The following NLRP1 variants were observed in gnomAD, a reference collection of about 807,000 sequenced individuals.
NLRP1 encodes the protein NACHT, LRR and PYD domains-containing protein 1.
In NLRP1, 94 loss-of-function variants were observed where a neutral mutation model predicts 136.7. The observed-to-expected ratio is 0.69, with a 90% CI of 0.58 to 0.82. The LOEUF is 0.82. Ranked by LOEUF, NLRP1 falls within the 40% of genes least tolerant of loss-of-function variation. The pLI, the probability that NLRP1 is intolerant of heterozygous loss-of-function variation, is 0.00. For synonymous variants in NLRP1, 690 were observed against 725.1 expected (o/e 0.95, Z 0.78); for missense variants, 1,575 against 1,802.7 (o/e 0.87, Z 2.29).
intron 8 of NLRP1, among the ~76,000 whole-genome samples, chr17:5,535,076 T>C (rs78654168): frequency 0.057 from 8,618 of 152,048 alleles, 293 homozygotes; most frequent in Middle Eastern, 0.092. Context: ...AAAAATTAGC[T>C]GGGTGTGGTG....
chr17:5,520,788 G>A (rs1322575284), intron 14 of NLRP1, 93 bp downstream of exon 14: 3 of 1,176,472 alleles, frequency 2.6e-6, no homozygotes, highest in African/African-American at 1.5e-5. Flanking sequence ...GATTTATCCT[G>A]TCCCTGAGAA....
At chr17:5,546,472 T>C (rs1912671195) in intron 5 of NLRP1, among the ~76,000 whole-genome samples, 1 of 152,132 alleles carries the variant, frequency 6.6e-6, no homozygotes, top group Non-Finnish European at 1.5e-5. Context: ...GTCTCTCCCC[T>C]GACCTTGCTC....
At chr17:5,517,075 C>T (rs56220193) in intron 15 of NLRP1, among the ~76,000 whole-genome samples, 11 of 152,160 alleles carry the variant, frequency 7.2e-5, no homozygotes, top group Admixed American at 2.0e-4. Context: ...TTAACCCATA[C>T]GACCATATGA....
At chr17:5,576,809 A>G (rs1905068497) in intron 3 of NLRP1, among the ~76,000 whole-genome samples, 1 of 152,222 alleles carries the variant, frequency 6.6e-6, no homozygotes, top group South Asian at 2.1e-4. Flanking sequence ...CACAACAAAA[A>G]AAAAGGAATT....
In NLRP1 at chr17:5,559,786, C is replaced by T. The variant is rs1307519474; in HGVS notation, c.910G>A (p.Val304Met). ...PLVKRSWPDY[V>M]EENRGHLIEI... The stretch of plus-strand genomic sequence containing the variant: ...ATTAAATGTCCTCGATTCTCCTCCA[C>T]ATAATCAGGCCAGCTTCTCTTGACC... Residue 304 changes from valine to methionine, a missense_variant, in exon 4 of 17, where the codon GTG becomes ATG. Transcript: ENST00000572272. 2 of 1,614,150 alleles carry T rather than the reference C, an allele frequency of 1.2e-6. No individual in the cohort carries two copies. Among genetic ancestry groups the T allele is most frequent in the Non-Finnish European group, 1.7e-6 (2 of 1,180,058 alleles).
intron 5 of NLRP1, among the ~76,000 whole-genome samples, chr17:5,552,156 T>G (rs1335469013): frequency 1.4e-5 from 2 of 147,478 alleles, no homozygotes; most frequent in East Asian, 4.2e-4. Context: ...CTTTAAGCAC[T>G]GCATTAGCTG....
At chr17:5,576,145 T>C (rs1904994911) in intron 3 of NLRP1, among the ~76,000 whole-genome samples, 2 of 152,214 alleles carry the variant, frequency 1.3e-5, no homozygotes, top group South Asian at 4.1e-4. Context: ...GGGAAATTTA[T>C]AGCACTAAAT....
At chr17:5,543,020 G>A (rs553998543) in intron 5 of NLRP1, among the ~76,000 whole-genome samples, 1 of 152,134 alleles carries the variant, frequency 6.6e-6, no homozygotes, top group Non-Finnish European at 1.5e-5. Context: ...AGTAAAGACG[G>A]GGTTTCGCCA....
At chr17:5,527,802 G>T (rs572300555) in intron 12 of NLRP1, among the ~76,000 whole-genome samples, 1 of 152,316 alleles carries the variant, frequency 6.6e-6, no homozygotes, top group East Asian at 1.9e-4. Context: ...GCTTCAGCTA[G>T]ATGCCTGTGC....
chr17:5,552,590 G>C (rs1245334384), intron 5 of NLRP1, among the ~76,000 whole-genome samples: 1 of 152,022 alleles, frequency 6.6e-6, no homozygotes, highest in Non-Finnish European at 1.5e-5. Flanking sequence ...AGTTGCTTTG[G>C]TCAGAAACCT....
rs547418803 is a variant in NLRP1 at position 5,563,315 on chromosome 17, T to C, written c.653-3272A>G. Reference sequence around the variant, plus strand: ...ACAGACATAGAATTCAGAATATGAGTAGGAATGAAGATCATTGAGATTCAG... The same window carrying C: ...ACAGACATAGAATTCAGAATATGAGCAGGAATGAAGATCATTGAGATTCAG... On this transcript the variant is annotated intron_variant, in intron 3 of 16. Transcript: ENST00000572272. Among the ~76,000 whole-genome samples, 8 of 152,098 alleles carry C rather than the reference T, an allele frequency of 5.3e-5. No individual in the cohort carries two copies. In the South Asian group the frequency reaches 1.7e-3, roughly 32 times the overall value.
At chr17:5,526,123 C>T (rs776555194) in intron 12 of NLRP1, among the ~76,000 whole-genome samples, 1 of 152,042 alleles carries the variant, frequency 6.6e-6, no homozygotes, top group Non-Finnish European at 1.5e-5. Flanking sequence ...TACAGGTGCG[C>T]ACCACCATGC....
downstream of NLRP1, among the ~76,000 whole-genome samples, chr17:5,510,076 T>C (rs1019313351): frequency 1.3e-5 from 2 of 151,732 alleles, no homozygotes; most frequent in East Asian, 3.9e-4. Flanking sequence ...TCTTCTTCTT[T>C]TTTTTTTTTA....
At chr17:5,543,621 A>C (rs986863882) in intron 5 of NLRP1, among the ~76,000 whole-genome samples, 12 of 151,386 alleles carry the variant, frequency 7.9e-5, no homozygotes, top group Admixed American at 2.6e-4. Flanking sequence ...ATGCCACTGC[A>C]CTCCAGCCTG....
chr17:5,533,509 A>G, intron 9 of NLRP1, 125 bp from the exon 10 acceptor site: 1 of 612,762 alleles, frequency 1.6e-6, no homozygotes, highest in Non-Finnish European at 2.9e-6. Context: ...TGAGCCATGA[A>G]CATGCCACTG....
chr17:5,554,902 G>T (rs1252691383), intron 4 of NLRP1, among the ~76,000 whole-genome samples: 1 of 151,922 alleles, frequency 6.6e-6, no homozygotes, highest in Non-Finnish European at 1.5e-5. Flanking sequence ...TGCACCTGTA[G>T]TCCCAGCTAC....
intron 8 of NLRP1, among the ~76,000 whole-genome samples, 156 bp downstream of exon 8, chr17:5,536,695 G>A (rs1911114365): frequency 6.6e-6 from 1 of 152,142 alleles, no homozygotes; most frequent in Admixed American, 6.5e-5. Flanking sequence ...GGGGGGATTT[G>A]ATTCTACTTG....
intron 3 of NLRP1, among the ~76,000 whole-genome samples, chr17:5,562,431 C>T (rs368663672): frequency 3.9e-5 from 6 of 152,336 alleles, no homozygotes; most frequent in South Asian, 4.1e-4. Flanking sequence ...CTGCCAACCA[C>T]GGCCCCTGCC....
At chr17:5,579,508 C>T (rs565306574) in intron 3 of NLRP1, among the ~76,000 whole-genome samples, 16 of 152,176 alleles carry the variant, frequency 1.1e-4, no homozygotes, top group South Asian at 4.1e-4. Flanking sequence ...TAAATTAGTT[C>T]AGCCACTGTG....
Sources: gnomAD v4.1 joint callset for allele counts (sites outside exome capture counted in the v4.1 genomes callset) on GRCh38, gnomAD v4.1.1 for gene constraint, MANE v1.5 for transcripts, NCBI Gene and HGNC (gene_info 2026-07-23, HGNC 2026-07-21) for gene names.